The following NEBL variants were observed in gnomAD, a reference collection of about 807,000 sequenced individuals.
NEBL encodes the protein nebulette.
NEBL carries 122 observed loss-of-function variants against 140.2 expected under a neutral mutation model. The ratio of observed to expected loss-of-function variants is 0.87; its 90% confidence interval spans 0.75 to 1.01. The LOEUF is 1.01. Ranked by LOEUF, NEBL falls within the 50% of genes least tolerant of loss-of-function variation. NEBL has a pLI of 0.00. For missense variants in NEBL, 1,365 were observed against 1,231.3 expected (o/e 1.11, Z -1.62); for synonymous variants, 436 against 398.9 (o/e 1.09, Z -1.11).
chr10:21,035,223 C>A (rs186929120), intron 2 of NEBL, among the ~76,000 whole-genome samples: 1 of 152,246 alleles, frequency 6.6e-6, no homozygotes, highest in African/African-American at 2.4e-5. Flanking sequence ...TTTTCAAACT[C>A]CTGGCCTCAA....
At chr10:20,867,580 T>C (rs1844426842) in intron 7 of NEBL, among the ~76,000 whole-genome samples, 2 of 152,186 alleles carry the variant, frequency 1.3e-5, no homozygotes, top group African/African-American at 4.8e-5. Context: ...CTGGTCTTGC[T>C]TAAGAACAAC....
chr10:21,030,847 G>T (rs1320121422), intron 2 of NEBL: 17 of 330,992 alleles, frequency 5.1e-5, no homozygotes, highest in Non-Finnish European at 8.3e-5. Flanking sequence ...CCATGCAGGG[G>T]TGGTATTCAA....
Position 20,889,898 on chromosome 10 carries a change from T to C in NEBL, c.205A>G (p.Thr69Ala), listed in dbSNP as rs780384504. 68 of 1,612,794 alleles carry C rather than the reference T, an allele frequency of 4.2e-5. No homozygotes were observed. The Admixed American group carries it at 1.1e-3, about 26-fold the overall frequency. Residue 69 changes from threonine (T) to alanine (A), a missense_variant, in exon 3 of 28, where the codon ACT (threonine) becomes GCT (alanine). Physicochemically the swap from Thr to Ala is moderately conservative, Grantham distance 58. Transcript: ENST00000377122. ...KKSKDKCTFV[T>A]DSPMLNHVKN... ...ACATGGTTTAGCATAGGACTGTCAG[T>C]CACAAATGTACACTTATCCTTGGAC...
At chr10:20,889,637 A>C (rs1846844199) in intron 3 of NEBL, among the ~76,000 whole-genome samples, 1 of 152,166 alleles carries the variant, frequency 6.6e-6, no homozygotes, top group Non-Finnish European at 1.5e-5. Flanking sequence ...AGACATATAT[A>C]ATAAAATGTA....
At chr10:20,913,821 A>G (rs999616876) in intron 4 of NEBL, among the ~76,000 whole-genome samples, 1 of 152,212 alleles carries the variant, frequency 6.6e-6, no homozygotes. Flanking sequence ...ATACAATCAT[A>G]TATATGAGAC....
intron 1 of NEBL, among the ~76,000 whole-genome samples, chr10:21,292,102 A>G (rs1157390618): frequency 1.3e-5 from 2 of 152,126 alleles, no homozygotes; most frequent in Admixed American, 1.3e-4. Flanking sequence ...TTTTCAAGGT[A>G]TTTGGAGTTT....
At chr10:21,282,695 T>C (rs1193049619) in intron 1 of NEBL, among the ~76,000 whole-genome samples, 1 of 152,020 alleles carries the variant, frequency 6.6e-6, no homozygotes, top group Non-Finnish European at 1.5e-5. Flanking sequence ...AGCAACTCCA[T>C]GTTGAATAGG....
rs201150512 is a variant in NEBL, at chr10:21,028,775, T to TA, written c.165-8575dup. 4.8e-3 allele frequency among the ~76,000 whole-genome samples: 692 copies of TA among 144,924 alleles called. 1 individual carries two copies. Among genetic ancestry groups the TA allele is most frequent in the African/African-American group, 0.014 (538 of 39,296 alleles). On this transcript the variant is annotated intron_variant, in intron 2 of 6. Transcript: ENST00000417816. ...ACCAAAAATCTAACTCAATATAATT[T>TA]AAAAAAAAAAATGAAGACAGAGAGA...
chr10:21,277,429 C>G (rs1255589052), intron 1 of NEBL, among the ~76,000 whole-genome samples: 1 of 152,096 alleles, frequency 6.6e-6, no homozygotes, highest in South Asian at 2.1e-4. Context: ...AGGCTGGTCT[C>G]GAACTCCTGA....
At chr10:21,196,909 T>C (rs1841662759) in intron 3 of NEBL, among the ~76,000 whole-genome samples, 1 of 152,248 alleles carries the variant, frequency 6.6e-6, no homozygotes, top group South Asian at 2.1e-4. Flanking sequence ...CTCTAATACA[T>C]GTCCAAGCTT....
chr10:20,930,615 C>T (rs1455791196), intron 4 of NEBL, among the ~76,000 whole-genome samples: 1 of 152,194 alleles, frequency 6.6e-6, no homozygotes, highest in African/African-American at 2.4e-5. Context: ...CTCAGTCCAG[C>T]TTTCTCTCCA....
Position 20,806,410 on chromosome 10 carries a change from C to T in NEBL, c.2761+2100G>A, listed in dbSNP as rs1018543932. On this transcript the variant is annotated intron_variant, in intron 26 of 27. Coordinates refer to ENST00000377122, the MANE Select transcript of NEBL (RefSeq NM_006393.3). ...TCCATTTGAACATCTCAATGTTCTG[C>T]CCTATCCAATGCATGCGTCTGTCCT... is the stretch of plus-strand genomic sequence containing the variant. Among the ~76,000 whole-genome samples, 4 of 152,342 alleles carry T rather than the reference C, an allele frequency of 2.6e-5. No homozygotes were observed. In the South Asian group the frequency reaches 6.2e-4, roughly 24 times the overall value.
At chr10:21,090,720 C>A (rs1322662693) in intron 2 of NEBL, among the ~76,000 whole-genome samples, 1 of 152,172 alleles carries the variant, frequency 6.6e-6, no homozygotes, top group Non-Finnish European at 1.5e-5. Context: ...AGCTGAATGG[C>A]CGCCCTATCG....
chr10:21,186,942 T>C (rs1291627832), intron 3 of NEBL, among the ~76,000 whole-genome samples: 1 of 151,978 alleles, frequency 6.6e-6, no homozygotes, highest in Non-Finnish European at 1.5e-5. Context: ...TTTGGTTGGT[T>C]GAATCTACAG....
At chr10:20,932,501 T>C (rs1194574950) in intron 4 of NEBL, among the ~76,000 whole-genome samples, 1 of 152,170 alleles carries the variant, frequency 6.6e-6, no homozygotes, top group East Asian at 1.9e-4. Flanking sequence ...AATGATGGGT[T>C]GATAGGTGCA....
chr10:20,962,855 C>A (rs945664089), intron 3 of NEBL, among the ~76,000 whole-genome samples: 7 of 152,094 alleles, frequency 4.6e-5, no homozygotes, highest in African/African-American at 1.7e-4. Context: ...GTGTAGTCTT[C>A]TGCAGAAGGT....
At chr10:21,157,315 A>C (rs1385563261) in intron 2 of NEBL, among the ~76,000 whole-genome samples, 1 of 152,238 alleles carries the variant, frequency 6.6e-6, no homozygotes, top group Admixed American at 6.5e-5. Context: ...CATGTCTGTA[A>C]TCCCAGCACT....
intron 3 of NEBL, among the ~76,000 whole-genome samples, chr10:20,975,155 C>T (rs1246393958): frequency 6.6e-6 from 1 of 152,108 alleles, no homozygotes; most frequent in Non-Finnish European, 1.5e-5. Flanking sequence ...CAATAAATAC[C>T]TCAAGAGCCT....
rs139723459 is a variant in NEBL, at chr10:21,195,063, C to A, written n.349-22586G>T. Reference sequence around the variant, plus strand: ...AAGTGCACGGGAGTCATTGAAACGACTCCCACTTCTAAGTACATTTTAGAA... The same window carrying A: ...AAGTGCACGGGAGTCATTGAAACGAATCCCACTTCTAAGTACATTTTAGAA... On this transcript the variant is annotated intron_variant and non_coding_transcript_variant, in intron 3 of 8. Transcript: ENST00000675702. Among the ~76,000 whole-genome samples, 662 of 152,224 alleles carry A rather than the reference C, an allele frequency of 4.3e-3. 6 individuals are homozygous for A. Among genetic ancestry groups the A allele is most frequent in the African/African-American group, 0.016 (649 of 41,538 alleles).
Sources: allele counts gnomAD v4.1 joint callset (sites outside exome capture counted in the v4.1 genomes callset), GRCh38; gene constraint gnomAD v4.1.1; transcripts MANE v1.5; gene names NCBI Gene and HGNC (gene_info 2026-07-23, HGNC 2026-07-21).